Variants in DRC8 observed in about 807,000 individuals in gnomAD.
DRC8 encodes dynein regulatory complex subunit 8.
At chr1:244,984,092 C>T in the DRC8 span, among the ~76,000 whole-genome samples, 1 of 151,572 alleles carries the variant, frequency 6.6e-6, no homozygotes, top group African/African-American at 2.4e-5. Flanking sequence ...GTAGCTGGGA[C>T]TACAGGTGTA....
At chr1:245,060,392 A>G in the DRC8 span, among the ~76,000 whole-genome samples, 1 of 152,390 alleles carries the variant, frequency 6.6e-6, no homozygotes, top group African/African-American at 2.4e-5. Flanking sequence ...AGGGAAGATT[A>G]GAAAGATGAG....
chr1:245,107,792 T>C, the DRC8 span, among the ~76,000 whole-genome samples: 1 of 152,088 alleles, frequency 6.6e-6, no homozygotes, highest in South Asian at 2.1e-4. Context: ...GGTGACACTC[T>C]CCACTACCAA....
At chr1:244,985,854 A>T in the DRC8 span, among the ~76,000 whole-genome samples, 1 of 108,150 alleles carries the variant, frequency 9.2e-6, no homozygotes, top group Admixed American at 1.0e-4. Context: ...ACAGAGGGAG[A>T]CTCCATCTCA....
the DRC8 span, among the ~76,000 whole-genome samples, chr1:245,121,343 AGCAG>A: frequency 6.6e-6 from 1 of 152,240 alleles, no homozygotes; most frequent in South Asian, 2.1e-4. Flanking sequence ...AGAGTCCAAA[AGCAG>A]ACATAGCTTC....
At chr1:245,045,334 G>T in the DRC8 span, among the ~76,000 whole-genome samples, 1 of 152,244 alleles carries the variant, frequency 6.6e-6, no homozygotes, top group South Asian at 2.1e-4. Flanking sequence ...GTGACTGCAA[G>T]TTGTCCAGGT....
At chr1:245,034,321 A>C in the DRC8 span, among the ~76,000 whole-genome samples, 55,135 of 151,800 alleles carry the variant, frequency 0.36, 10,312 homozygotes, top group African/African-American at 0.47. Flanking sequence ...AAATGACAGG[A>C]TGGGCGCAGT....
chr1:245,022,086 T>C, the DRC8 span, among the ~76,000 whole-genome samples: 15 of 152,322 alleles, frequency 9.8e-5, no homozygotes, highest in South Asian at 2.5e-3. Context: ...TTGAAAAACA[T>C]TGGGCAGGTT....
the DRC8 span, among the ~76,000 whole-genome samples, chr1:245,102,722 A>G: frequency 6.6e-6 from 1 of 152,258 alleles, no homozygotes; most frequent in Non-Finnish European, 1.5e-5. Context: ...AACAAAAAAC[A>G]TACAAAACAG....
the DRC8 span, among the ~76,000 whole-genome samples, chr1:245,092,615 G>T: frequency 2.6e-5 from 4 of 152,190 alleles, no homozygotes; most frequent in Non-Finnish European, 5.9e-5. Context: ...CCCCATTCCA[G>T]ACCCCTGAAA....
At chr1:245,051,206 A>G in the DRC8 span, among the ~76,000 whole-genome samples, 2 of 151,992 alleles carry the variant, frequency 1.3e-5, no homozygotes, top group Non-Finnish European at 2.9e-5. Context: ...CCTGGGCAAC[A>G]TAGCAAGACT....
At chr1:245,084,657 C>T in the DRC8 span, among the ~76,000 whole-genome samples, 1 of 152,086 alleles carries the variant, frequency 6.6e-6, no homozygotes, top group African/African-American at 2.4e-5. Context: ...TCATATTGGT[C>T]CCCTTGCCTT....
chr1:245,039,729 T>C, the DRC8 span, among the ~76,000 whole-genome samples: 1 of 152,320 alleles, frequency 6.6e-6, no homozygotes, highest in South Asian at 2.1e-4. Flanking sequence ...CTTGATACTT[T>C]TGAAAAATCC....
chr1:245,037,805 AATT>A, the DRC8 span, among the ~76,000 whole-genome samples: 6 of 152,130 alleles, frequency 3.9e-5, no homozygotes, highest in Non-Finnish European at 7.4e-5. Flanking sequence ...TAGGGAATAA[AATT>A]AATACATAGA....
chr1:245,005,980 A>G, the DRC8 span, among the ~76,000 whole-genome samples: 1 of 152,170 alleles, frequency 6.6e-6, no homozygotes, highest in Non-Finnish European at 1.5e-5. Context: ...GGGAAAAAGC[A>G]TTATCACTGG....
chr1:244,990,289 T>C, the DRC8 span, among the ~76,000 whole-genome samples: 1 of 152,238 alleles, frequency 6.6e-6, no homozygotes, highest in African/African-American at 2.4e-5. Flanking sequence ...CATTACAGTA[T>C]GTTGTTATGA....
the DRC8 span, among the ~76,000 whole-genome samples, chr1:245,069,922 A>G: frequency 1.3e-5 from 2 of 152,128 alleles, no homozygotes; most frequent in Admixed American, 6.5e-5. Context: ...GTGTGTGCCT[A>G]TAGTCCCAGC....
chr1:245,043,250 G>C, the DRC8 span, among the ~76,000 whole-genome samples: 1 of 152,068 alleles, frequency 6.6e-6, no homozygotes. Flanking sequence ...TGGCCAGCAT[G>C]GTGAAACTCT....
At chr1:245,046,495 C>T in the DRC8 span, among the ~76,000 whole-genome samples, 1 of 152,184 alleles carries the variant, frequency 6.6e-6, no homozygotes, top group Non-Finnish European at 1.5e-5. Flanking sequence ...CAGCTCCATC[C>T]GGATACCATC....
the DRC8 span, among the ~76,000 whole-genome samples, chr1:245,104,463 C>T: frequency 6.6e-6 from 1 of 150,512 alleles, no homozygotes; most frequent in Middle Eastern, 3.4e-3. Context: ...GAGATTGCGC[C>T]ACTGCACTCC....
Sources: allele counts gnomAD v4.1 joint callset (sites outside exome capture counted in the v4.1 genomes callset), GRCh38; gene constraint gnomAD v4.1.1; transcripts MANE v1.5; gene names NCBI Gene and HGNC (gene_info 2026-07-23, HGNC 2026-07-21).